Variants in ADAM22 observed in about 807,000 individuals in gnomAD.
ADAM22 encodes disintegrin and metalloproteinase domain-containing protein 22.
A neutral mutation model predicts 144.6 loss-of-function variants in ADAM22; 65 were observed. That is an observed-to-expected ratio of 0.45 (90% confidence interval 0.37 to 0.55). The LOEUF (loss-of-function observed/expected upper bound fraction) is 0.55. Ranked by LOEUF, ADAM22 falls within the 20% of genes least tolerant of loss-of-function variation. ADAM22 has a pLI of 0.00. For missense variants in ADAM22, 974 were observed against 1,184.9 expected, an observed-to-expected ratio of 0.82 and a Z score of 2.61; for synonymous variants, 391 against 412.6, an observed-to-expected ratio of 0.95 and a Z score of 0.63.
chr7:88,049,609 G>T (rs554866148), intron 3 of ADAM22, among the ~76,000 whole-genome samples: 4 of 152,228 alleles, frequency 2.6e-5, no homozygotes, highest in African/African-American at 9.6e-5. Context: ...TGTTGGTCAG[G>T]CTGGTCTTGA....
chr7:87,992,988 T>C (rs995552741), intron 3 of ADAM22, among the ~76,000 whole-genome samples: 5 of 152,304 alleles, frequency 3.3e-5, no homozygotes, highest in Admixed American at 1.3e-4. Context: ...CTAGTCAGGA[T>C]CACCGCAGAA....
At position 88,113,703 on chromosome 7, in the gene ADAM22, A is replaced by AATAAATAAATAAATATGTAT. The variant is rs1554478726; in HGVS notation, c.474-878_474-877insAATAAATAAATATGTATATA. Among the ~76,000 whole-genome samples, 14 of 48,108 alleles carry AATAAATAAATAAATATGTAT rather than the reference A, an allele frequency of 2.9e-4. No homozygotes were observed. The East Asian group carries it at 0.017, about 57-fold the overall frequency. The allele number at this position is 48,108 out of a possible 152,430, so 31.6% of individuals were successfully genotyped here. A position where few individuals can be genotyped will look rare whatever the true frequency, so the allele number is the denominator to read the frequency against. On this transcript the variant is annotated intron_variant, in intron 5 of 31. Coordinates refer to ENST00000413139, the MANE Select transcript of ADAM22 (RefSeq NM_001324418.2). ...TATATATATTATAAATAAATAAATA[A>AATAAATAAATAAATATGTAT]ATATATATATATATATATATATATA...
At chr7:87,997,253 TAAA>T (rs1791453854) in intron 3 of ADAM22, among the ~76,000 whole-genome samples, 1 of 152,224 alleles carries the variant, frequency 6.6e-6, no homozygotes, top group Non-Finnish European at 1.5e-5. Context: ...CAGTGCAATT[TAAA>T]AACCCCCAAA....
Position 88,202,748 on chromosome 7 carries a change from T to G in ADAM22, c.*6257T>G, listed in dbSNP as rs769101750. ...AACAAAATCTTGATGTTTTTAAAGG[T>G]CACTGTAACTTAAGGTTCAAATTTC... On this transcript the variant is annotated 3_prime_UTR_variant, in exon 32 of 32. Coordinates refer to ENST00000413139, the MANE Select transcript of ADAM22 (RefSeq NM_001324418.2). The G allele has an allele frequency of 2.6e-5, 4 of 152,230 alleles. No individual in the cohort carries two copies. The highest frequency in any genetic ancestry group is 5.9e-5 in the Non-Finnish European group (4 of 68,042). 9.4% of individuals were successfully genotyped at this position (152,230 alleles called of 1,614,324 possible).
intron 30 of ADAM22, 28 bp downstream of exon 30, chr7:88,186,729 T>G: frequency 7.3e-7 from 1 of 1,361,160 alleles, no homozygotes; most frequent in Non-Finnish European, 1.0e-6. Context: ...TTTTATATCC[T>G]TCTCAAACTC....
At chr7:87,936,669 A>T (rs1841317952) in intron 2 of ADAM22, among the ~76,000 whole-genome samples, 1 of 152,132 alleles carries the variant, frequency 6.6e-6, no homozygotes, top group Non-Finnish European at 1.5e-5. Flanking sequence ...CATAAAAATT[A>T]TAGGAATTTA....
rs897080756 is a variant in ADAM22 at position 88,032,663 on chromosome 7, C to T, written c.324-42963C>T. 5.9e-5 allele frequency among the ~76,000 whole-genome samples: 9 copies of T among 152,070 alleles called. 1 individual carries two copies. The highest frequency in any genetic ancestry group is 2.1e-4 in the South Asian group (1 of 4,810). On this transcript the variant is annotated intron_variant, in intron 3 of 31. Coordinates refer to ENST00000413139, the MANE Select transcript of ADAM22 (RefSeq NM_001324418.2). ...TTCGGTGGGGGAGGCAGGGGCAGAA[C>T]GATATGGCTTGGCTCTGTATTTTCA... is the stretch of plus-strand genomic sequence containing the variant.
At chr7:87,954,238 C>G (rs577382401) in intron 2 of ADAM22, among the ~76,000 whole-genome samples, 31 of 152,002 alleles carry the variant, frequency 2.0e-4, no homozygotes, top group East Asian at 1.9e-4. Flanking sequence ...TTCCTAGTCT[C>G]GATGGTCTTT....
intron 11 of ADAM22, chr7:88,132,041 C>G (rs1291467805): frequency 6.6e-6 from 1 of 151,802 alleles, no homozygotes; most frequent in Non-Finnish European, 1.5e-5. Flanking sequence ...TTGCATATGC[C>G]CTCTATTCAG....
At chr7:87,945,006 T>C (rs1026032851) in intron 2 of ADAM22, among the ~76,000 whole-genome samples, 3 of 150,808 alleles carry the variant, frequency 2.0e-5, no homozygotes, top group Non-Finnish European at 4.4e-5. Flanking sequence ...CTCTTTCTTC[T>C]TCTTGGTCTT....
intron 3 of ADAM22, among the ~76,000 whole-genome samples, chr7:87,999,235 A>G (rs1791957120): frequency 6.6e-6 from 1 of 152,244 alleles, no homozygotes; most frequent in Non-Finnish European, 1.5e-5. Context: ...ATTCAGAAAA[A>G]GGTATCAATG....
chr7:88,113,760 T>G (rs898992350), intron 5 of ADAM22, among the ~76,000 whole-genome samples: 5 of 124,562 alleles, frequency 4.0e-5, no homozygotes, highest in Non-Finnish European at 8.3e-5. Context: ...AGAATACTTA[T>G]GAGCACCACA....
At chr7:88,001,228 C>CAT (rs1020752085) in intron 3 of ADAM22, among the ~76,000 whole-genome samples, 1 of 152,106 alleles carries the variant, frequency 6.6e-6, no homozygotes, top group African/African-American at 2.4e-5. Context: ...GGAAGATTTG[C>CAT]ATATATATAA....
intron 3 of ADAM22, among the ~76,000 whole-genome samples, chr7:88,010,044 A>C (rs1253405781): frequency 6.6e-6 from 1 of 151,298 alleles, no homozygotes; most frequent in Admixed American, 6.6e-5. Flanking sequence ...TTTTTTTCAA[A>C]TATAAATAGA....
At chr7:87,947,073 G>A (rs1843856990) in intron 2 of ADAM22, among the ~76,000 whole-genome samples, 1 of 152,102 alleles carries the variant, frequency 6.6e-6, no homozygotes, top group East Asian at 1.9e-4. Flanking sequence ...AAGGAGAGGG[G>A]CAAGGGTTGA....
At chr7:88,120,119 G>A (rs1585908585) in intron 7 of ADAM22, among the ~76,000 whole-genome samples, 4 of 152,148 alleles carry the variant, frequency 2.6e-5, no homozygotes, top group Admixed American at 6.5e-5. Context: ...CTTCCCAGGT[G>A]ATGCTAATGC....
intron 4 of ADAM22, among the ~76,000 whole-genome samples, chr7:88,085,415 G>A (rs1818179349): frequency 6.6e-6 from 1 of 151,984 alleles, no homozygotes; most frequent in Admixed American, 6.6e-5. Flanking sequence ...CATTTTTCAG[G>A]AAAAAACATT....
At chr7:88,074,611 TA>T (rs1410007756) in intron 3 of ADAM22, among the ~76,000 whole-genome samples, 1 of 152,214 alleles carries the variant, frequency 6.6e-6, no homozygotes, top group Non-Finnish European at 1.5e-5. Context: ...GATTCTAACA[TA>T]AAGTCAGTAA....
At chr7:88,061,456 G>A (rs184393889) in intron 3 of ADAM22, among the ~76,000 whole-genome samples, 1 of 152,312 alleles carries the variant, frequency 6.6e-6, no homozygotes, top group East Asian at 1.9e-4. Flanking sequence ...ACTTGAAGTT[G>A]AAATTACTTC....
Sources: gnomAD v4.1 joint callset for allele counts (sites outside exome capture counted in the v4.1 genomes callset) on GRCh38, gnomAD v4.1.1 for gene constraint, MANE v1.5 for transcripts, NCBI Gene and HGNC (gene_info 2026-07-23, HGNC 2026-07-21) for gene names.